Variants in COBLL1 observed in about 807,000 individuals in gnomAD.
COBLL1 encodes the protein cordon-bleu WH2 repeat protein like 1, also known as cordon-bleu protein-like 1.
In COBLL1, 50 loss-of-function variants were observed where a neutral mutation model predicts 94.8. The observed-to-expected ratio is 0.53, with a 90% CI of 0.42 to 0.67. The LOEUF is 0.67. COBLL1 is among the 30% of genes least tolerant of loss of function. The pLI is 0.00. For synonymous variants in COBLL1, 448 were observed against 473.8 expected, an observed-to-expected ratio of 0.95 and a Z score of 0.71; for missense variants, 1,362 against 1,348.7, an observed-to-expected ratio of 1.01 and a Z score of -0.15.
chr2:164,841,905 CGGGCGCTGGCT>C (rs1281705788), upstream of COBLL1: 17 of 1,391,666 alleles, frequency 1.2e-5, no homozygotes, highest in Middle Eastern at 4.0e-4. This position sits in a 1 kb window ranked among gnomAD's most constrained non-coding sequence, Gnocchi z 5.5. Flanking sequence ...GGGCGGGGTG[CGGGCGCTGGCT>C]GGGCGCTGGG....
chr2:164,711,865 T>C (rs1684915784), intron 7 of COBLL1, among the ~76,000 whole-genome samples: 1 of 152,198 alleles, frequency 6.6e-6, no homozygotes. Context: ...TCATTAGAGA[T>C]GTTCAATTAT....
chr2:164,743,526 T>A (rs543325159), intron 3 of COBLL1, 161 bp downstream of exon 3: 32 of 605,560 alleles, frequency 5.3e-5, no homozygotes, highest in African/African-American at 9.3e-5. Flanking sequence ...TGATAGAAAA[T>A]TTTTAACACC....
chr2:164,664,701 T>G (rs899234723), intron 2 of COBLL1, among the ~76,000 whole-genome samples: 4 of 152,204 alleles, frequency 2.6e-5, no homozygotes, highest in Non-Finnish European at 5.9e-5. Context: ...TCATAAGGCG[T>G]CTATTTATAT....
At chr2:164,765,661 C>T (rs1027105272) in intron 2 of COBLL1, among the ~76,000 whole-genome samples, 13 of 151,964 alleles carry the variant, frequency 8.6e-5, no homozygotes, top group Admixed American at 5.9e-4. Flanking sequence ...AATACTCTCA[C>T]CTTTTGTGTT....
chr2:164,761,003 T>C (rs1349329459), intron 2 of COBLL1, among the ~76,000 whole-genome samples: 1 of 152,202 alleles, frequency 6.6e-6, no homozygotes, highest in Non-Finnish European at 1.5e-5. Flanking sequence ...AATGGCTAAT[T>C]ACTAAAGAAG....
At chr2:164,768,798 C>T (rs1322697031) in intron 2 of COBLL1, among the ~76,000 whole-genome samples, 7 of 152,060 alleles carry the variant, frequency 4.6e-5, no homozygotes, top group Non-Finnish European at 8.8e-5. Flanking sequence ...TAAAAATCTC[C>T]GTGAAAGCAC....
chr2:164,759,310 T>C (rs1417006347), intron 2 of COBLL1, among the ~76,000 whole-genome samples: 1 of 152,180 alleles, frequency 6.6e-6, no homozygotes, highest in Non-Finnish European at 1.5e-5. Flanking sequence ...AGTTACAGGT[T>C]TTGACAAATA....
At chr2:164,824,703 A>G (rs1337475430) in intron 2 of COBLL1, among the ~76,000 whole-genome samples, 1 of 152,198 alleles carries the variant, frequency 6.6e-6, no homozygotes, top group Non-Finnish European at 1.5e-5. Context: ...AAAGGCTGAA[A>G]TGCAAGTCAA....
chr2:164,792,296 T>A (rs1683230169), intron 2 of COBLL1, among the ~76,000 whole-genome samples: 1 of 151,826 alleles, frequency 6.6e-6, no homozygotes, highest in Non-Finnish European at 1.5e-5. Context: ...ACCTGGCTAA[T>A]TTTTTTATTT....
chr2:164,665,170 A>C (rs1384195684), intron 2 of COBLL1, among the ~76,000 whole-genome samples: 1 of 152,064 alleles, frequency 6.6e-6, no homozygotes, highest in Non-Finnish European at 1.5e-5. Flanking sequence ...ATCTCTACTA[A>C]AAATACAAAA....
chr2:164,704,990 AT>A lies in COBLL1; in HGVS notation c.1111del (p.Ile371TyrfsTer12). ...KRKAPSPPSK[I>X]PPHQSDENSR... ...ATTTTCATCACTTTGATGCGGGGGT[AT>A]TTTGGAGGGTGGGGAAGGTGCTTTT... On this transcript the variant is annotated frameshift_variant, in exon 8 of 14. Transcript: ENST00000652658. LOFTEE classifies it high-confidence loss of function. 6.2e-7 allele frequency: 1 copy of A among 1,600,842 alleles called. No homozygotes were observed. The highest frequency in any genetic ancestry group is 8.5e-7 in the Non-Finnish European group (1 of 1,175,142).
intron 2 of COBLL1, among the ~76,000 whole-genome samples, chr2:164,826,946 GT>G (rs1559054054): frequency 6.9e-6 from 1 of 145,494 alleles, no homozygotes; most frequent in Non-Finnish European, 1.5e-5. Flanking sequence ...TGGGTTTTTT[GT>G]TTTTTGTTTG....
rs748824920 is a variant in COBLL1, at chr2:164,692,254, G to C, written c.3267C>G (p.Ile1089Met). Residue 1089 changes from isoleucine (I) to methionine (M), a missense_variant, in exon 13 of 14, where the codon ATC (isoleucine) becomes ATG (methionine). Ile to Met is a conservative substitution (Grantham distance 10, BLOSUM62 1). Transcript: ENST00000652658. ...EQMRQSLLTA[I>M]RSGEAAAKLK... ...ATTTGGCAGCAGCCTCTCCCGAACG[G>C]ATTGCAGTCAGCAAACTCTGTCGCA... 6.2e-7 allele frequency: 1 copy of C among 1,612,460 alleles called. No homozygotes were observed. The highest frequency in any genetic ancestry group is 1.1e-5 in the South Asian group (1 of 90,760).
intron 7 of COBLL1, among the ~76,000 whole-genome samples, chr2:164,720,650 TTGGGACC>T (rs1025607015): frequency 1.9e-4 from 29 of 152,298 alleles, no homozygotes; most frequent in African/African-American, 6.7e-4. Context: ...AATAAAGTCT[TTGGGACC>T]CTGACTTGAC....
chr2:164,776,961 C>T (rs935982090), intron 2 of COBLL1, among the ~76,000 whole-genome samples: 6 of 152,030 alleles, frequency 3.9e-5, no homozygotes, highest in Non-Finnish European at 7.4e-5. Flanking sequence ...AGTAAAGTAA[C>T]TAAAGACAGT....
At chr2:164,719,703 A>T (rs1685351713) in intron 7 of COBLL1, among the ~76,000 whole-genome samples, 1 of 152,180 alleles carries the variant, frequency 6.6e-6, no homozygotes. Context: ...ATCCTTAAGT[A>T]CATCTGCAAA....
chr2:164,816,285 C>T (rs1684741510), intron 2 of COBLL1, among the ~76,000 whole-genome samples: 2 of 152,102 alleles, frequency 1.3e-5, no homozygotes, highest in South Asian at 4.2e-4. Flanking sequence ...GTGTGAAACT[C>T]CCCAGTCTTC....
At chr2:164,779,725 C>A (rs1289068026) in intron 2 of COBLL1, 3 of 470,862 alleles carry the variant, frequency 6.4e-6, no homozygotes, top group Non-Finnish European at 1.3e-5. Flanking sequence ...AAACAGAGAC[C>A]ACACAGACTA....
chr2:164,729,312 AT>A (rs1435712337), intron 4 of COBLL1, among the ~76,000 whole-genome samples: 2 of 151,796 alleles, frequency 1.3e-5, no homozygotes, highest in African/African-American at 4.8e-5. Context: ...TAATGAGAGT[AT>A]TTCTTGAAAC....
Sources: gnomAD v4.1 joint callset for allele counts (sites outside exome capture counted in the v4.1 genomes callset) on GRCh38, gnomAD v4.1.1 for gene constraint, Gnocchi (gnomAD v3.1) non-coding constraint, MANE v1.5 for transcripts, NCBI Gene and HGNC (gene_info 2026-07-23, HGNC 2026-07-21) for gene names.